Variants in ITIH5 observed in about 807,000 individuals in gnomAD.
The protein encoded by ITIH5 is inter-alpha-trypsin inhibitor heavy chain 5.
In ITIH5, 65 loss-of-function variants were observed where a neutral mutation model predicts 77.5. The ratio of observed to expected loss-of-function variants is 0.84; its 90% CI spans 0.69 to 1.03. ITIH5 has a LOEUF of 1.03. Ranked by LOEUF, ITIH5 falls within the 50% of genes least tolerant of loss-of-function variation. The pLI is 0.00. For synonymous variants in ITIH5, 525 were observed against 494.3 expected, an observed-to-expected ratio of 1.06 and a Z score of -0.82; for missense variants, 1,208 against 1,213.1, an observed-to-expected ratio of 1.00 and a Z score of 0.06.
At chr10:7,616,248 C>A in intron 6 of ITIH5, 150 bp from the exon 7 acceptor site, 1 of 599,848 alleles carries the variant, frequency 1.7e-6, no homozygotes, top group Non-Finnish European at 3.0e-6. Context: ...TATCTAAGGC[C>A]CTGATCCCTC....
intron 5 of ITIH5, chr10:7,621,680 TC>T (rs1458718461): frequency 1.3e-5 from 2 of 152,088 alleles, no homozygotes; most frequent in African/African-American, 4.8e-5. Flanking sequence ...AATAGAATCA[TC>T]TTTTTATTAA....
intron 7 of ITIH5, among the ~76,000 whole-genome samples, chr10:7,613,115 A>G (rs537738131): frequency 2.1e-4 from 32 of 152,212 alleles, no homozygotes; most frequent in Non-Finnish European, 4.0e-4. Flanking sequence ...CATGGTGGCG[A>G]GCACCTGTAA....
intron 10 of ITIH5, among the ~76,000 whole-genome samples, chr10:7,574,060 T>C (rs1471577164): frequency 1.3e-5 from 2 of 152,226 alleles, no homozygotes; most frequent in East Asian, 3.8e-4. Flanking sequence ...GGTACAGTTA[T>C]AATCCAGTGT....
intron 1 of ITIH5, among the ~76,000 whole-genome samples, chr10:7,660,239 A>G (rs993590315): frequency 3.3e-5 from 5 of 152,246 alleles, no homozygotes; most frequent in African/African-American, 1.2e-4. Context: ...TACAAAAGAA[A>G]TAGATGAAAG....
intron 2 of ITIH5, among the ~76,000 whole-genome samples, chr10:7,642,880 C>G (rs1833912256): frequency 6.6e-6 from 1 of 152,210 alleles, no homozygotes; most frequent in African/African-American, 2.4e-5. Context: ...GAGTGGTTAT[C>G]TAACTCCAGG....
chr10:7,659,018 CT>C lies in ITIH5; in HGVS notation c.91-3344del, dbSNP rs199697088. ...AAGTCCATTCAGTTGGTTGGCGGGC[CT>C]TCAAATTTTATTCTTGGTTTACAAA... On this transcript the variant is annotated intron_variant, in intron 1 of 13. Transcript: ENST00000397146. 8.4e-4 allele frequency among the ~76,000 whole-genome samples: 128 copies of C among 152,208 alleles called. 1 individual carries two copies. In the East Asian group the frequency reaches 0.02, roughly 23 times the overall value.
intron 9 of ITIH5, among the ~76,000 whole-genome samples, chr10:7,577,666 C>A (rs1288495457): frequency 6.6e-6 from 1 of 152,248 alleles, no homozygotes. Flanking sequence ...TGCATGGTCG[C>A]TTCTTGCTAA....
At chr10:7,604,725 C>T (rs1157742740) in intron 7 of ITIH5, among the ~76,000 whole-genome samples, 1 of 152,208 alleles carries the variant, frequency 6.6e-6, no homozygotes, top group African/African-American at 2.4e-5. Context: ...AGAACCAGTT[C>T]CTTTTCCATC....
chr10:7,652,496 T>C (rs1369392278), intron 2 of ITIH5, among the ~76,000 whole-genome samples: 1 of 152,042 alleles, frequency 6.6e-6, no homozygotes, highest in African/African-American at 2.4e-5. Context: ...ACTGGAAAAA[T>C]CATTCTAGTA....
In ITIH5 at chr10:7,619,304, A is replaced by C. The variant is rs528211289; in HGVS notation, c.653-2022T>G. 3 of 152,744 alleles carry C rather than the reference A, an allele frequency of 2.0e-5. 1 individual carries two copies. Among genetic ancestry groups the C allele is most frequent in the African/African-American group, 7.2e-5 (3 of 41,590 alleles). 9.5% of individuals were successfully genotyped at this position (152,744 alleles called of 1,614,324 possible). A position where few individuals can be genotyped will look rare whatever the true frequency, so the allele number is the denominator to read the frequency against. ...TAAGAACGCACGATCATGGTCAGAA[A>C]CCTGCATTCAAATATTGGTTTCACT... On this transcript the variant is annotated intron_variant, in intron 5 of 13. Coordinates refer to ENST00000397146, the MANE Select transcript of ITIH5 (RefSeq NM_030569.7).
At position 7,576,705 on chromosome 10, in the gene ITIH5, G is replaced by C. The variant is rs373032276; in HGVS notation, c.1726C>G (p.Leu576Val). 4.3e-6 allele frequency: 7 copies of C among 1,614,110 alleles called. No homozygotes were observed. The highest frequency in any genetic ancestry group is 5.9e-6 in the Non-Finnish European group (7 of 1,180,014). Residue 576 changes from leucine (L) to valine (V), a missense_variant, in exon 10 of 14, where the codon CTC becomes GTC. Physicochemically the swap from Leu to Val is conservative, Grantham distance 32. Transcript: ENST00000397146. Reference sequence around the variant, plus strand: ...TCCTTTGTGGTGAGGTAGCTCCAGAGACGCTCGATGTGGTTGGTGTCCCCC... The same window carrying C: ...TCCTTTGTGGTGAGGTAGCTCCAGACACGCTCGATGTGGTTGGTGTCCCCC... ...GEGDTNHIER[L>V]WSYLTTKELL...
At chr10:7,602,962 G>A (rs540113568) in intron 7 of ITIH5, among the ~76,000 whole-genome samples, 2 of 152,090 alleles carry the variant, frequency 1.3e-5, no homozygotes, top group South Asian at 2.1e-4. Context: ...CATAGCTTCC[G>A]TGTCCTATTT....
intron 7 of ITIH5, among the ~76,000 whole-genome samples, chr10:7,589,570 C>T (rs77286362): frequency 0.016 from 2,422 of 152,170 alleles, 72 homozygotes; most frequent in African/African-American, 0.055. Context: ...ACAAGTTCTT[C>T]GGGGAGAAAA....
chr10:7,586,236 G>GA (rs955183542), intron 7 of ITIH5, among the ~76,000 whole-genome samples, 167 bp from the exon 8 acceptor site: 1 of 151,976 alleles, frequency 6.6e-6, no homozygotes, highest in East Asian at 1.9e-4. Flanking sequence ...TACCCAGCTG[G>GA]AAAAAATGGT....
Position 7,563,124 on chromosome 10 carries a change from T to C in ITIH5, c.2788A>G (p.Thr930Ala). 1 of 1,613,984 alleles carries C rather than the reference T, an allele frequency of 6.2e-7. No homozygotes were observed. The highest frequency in any genetic ancestry group is 8.5e-7 in the Non-Finnish European group (1 of 1,179,846). Residue 930 changes from threonine to alanine, a missense_variant, in exon 14 of 14, where the codon ACA (threonine) becomes GCA (alanine). By Grantham distance (58) the Thr-to-Ala change is moderately conservative. Transcript: ENST00000397146. ...ATTCCCCGGCCAAGTGTCATCCCTG[T>C]GTCAAATGGATGGGATGCCAGGTAA... Reference protein sequence around the residue: ...KDYLASHPFDTGMTLGRGMSR... With the variant: ...KDYLASHPFDAGMTLGRGMSR...
At chr10:7,598,048 A>G (rs1196234464) in intron 7 of ITIH5, among the ~76,000 whole-genome samples, 1 of 152,190 alleles carries the variant, frequency 6.6e-6, no homozygotes, top group East Asian at 1.9e-4. Context: ...AAGAAATCAA[A>G]ACATTACAAA....
At chr10:7,643,118 C>T (rs141913786) in intron 2 of ITIH5, among the ~76,000 whole-genome samples, 2 of 152,150 alleles carry the variant, frequency 1.3e-5, no homozygotes, top group African/African-American at 4.8e-5. Context: ...TCTCTCTCTC[C>T]ATGTGTGTGC....
In ITIH5 at chr10:7,616,065, G is replaced by C; in HGVS notation, c.856C>G (p.Pro286Ala). 1.2e-6 allele frequency: 2 copies of C among 1,612,466 alleles called. No individual in the cohort carries two copies. Among genetic ancestry groups the C allele is most frequent in the Non-Finnish European group, 1.7e-6 (2 of 1,178,526 alleles). Reference protein sequence around the residue: ...LNGYFVHYFAPKDLPPLPKNV... With the variant: ...LNGYFVHYFAAKDLPPLPKNV... ...TTGGGTAAAGGAGGAAGGTCTTTAGGAGCAAAGTAGTGCACAAAATAGCCA... is the reference window on the plus strand; with the variant it reads ...TTGGGTAAAGGAGGAAGGTCTTTAGCAGCAAAGTAGTGCACAAAATAGCCA... The change falls in exon 7 of 14, where the codon CCT (proline) becomes GCT (alanine). Residue 286 changes from proline (P) to alanine (A), a missense_variant. Coordinates refer to ENST00000397146, the MANE Select transcript of ITIH5 (RefSeq NM_030569.7).
intron 7 of ITIH5, among the ~76,000 whole-genome samples, chr10:7,607,210 G>A (rs1356231198): frequency 6.6e-6 from 1 of 152,216 alleles, no homozygotes; most frequent in Non-Finnish European, 1.5e-5. Flanking sequence ...TGGCTCAGGG[G>A]CCCTGCTGCT....
Sources: gnomAD v4.1 joint callset for allele counts (sites outside exome capture counted in the v4.1 genomes callset) on GRCh38, gnomAD v4.1.1 for gene constraint, MANE v1.5 for transcripts, NCBI Gene and HGNC (gene_info 2026-07-23, HGNC 2026-07-21) for gene names.